RASGRP3: variants seen among roughly 807,000 people sequenced by gnomAD.
RASGRP3 encodes RAS guanyl releasing protein 3.
Under a neutral mutation model 82.7 loss-of-function variants are expected in RASGRP3, and 54 were observed. The ratio of observed to expected loss-of-function variants is 0.65; its 90% CI spans 0.52 to 0.82. The LOEUF is 0.82. RASGRP3 is among the 40% of genes least tolerant of loss of function. The probability of loss-of-function intolerance (pLI) is 0.00; values close to 1 mark genes in which losing one functional copy is unlikely to be tolerated. For missense variants in RASGRP3, 861 were observed against 828.9 expected (o/e 1.04, Z -0.48); for synonymous variants, 309 against 300.5 (o/e 1.03, Z -0.29).
chr2:33,543,463 C>T (rs368413603), intron 12 of RASGRP3, 49 bp from the exon 13 acceptor site: 2 of 1,221,780 alleles, frequency 1.6e-6, no homozygotes, highest in Admixed American at 4.4e-5. Context: ...ATAACAAGTT[C>T]AGAGCCTGCC....
At chr2:33,555,836 T>G (rs1197826255) in intron 15 of RASGRP3, among the ~76,000 whole-genome samples, 1 of 152,206 alleles carries the variant, frequency 6.6e-6, no homozygotes, top group African/African-American at 2.4e-5. Context: ...AGGTGGGAAT[T>G]CTGAGTGGGA....
chr2:33,483,504 T>C (rs914326610), intron 1 of RASGRP3, among the ~76,000 whole-genome samples: 3 of 143,474 alleles, frequency 2.1e-5, no homozygotes, highest in Non-Finnish European at 4.6e-5. Context: ...TTTTTTTTTT[T>C]TTGAGACGGA....
chr2:33,436,598 G>A (rs888092135), intron 1 of RASGRP3: 4 of 152,178 alleles, frequency 2.6e-5, no homozygotes, highest in Admixed American at 2.0e-4. Flanking sequence ...AAAGGTAAGT[G>A]TCATTTAAAA....
At chr2:33,545,600 G>C (rs1453421857) in intron 13 of RASGRP3, among the ~76,000 whole-genome samples, 2 of 152,114 alleles carry the variant, frequency 1.3e-5, no homozygotes, top group Non-Finnish European at 2.9e-5. Context: ...ATATAATAAA[G>C]ATTGTTTTTG....
intron 2 of RASGRP3, among the ~76,000 whole-genome samples, chr2:33,456,967 A>C (rs1455877670): frequency 7.2e-6 from 1 of 139,496 alleles, no homozygotes; most frequent in Non-Finnish European, 1.5e-5. Context: ...GCAGTGGCCT[A>C]TCTTAGCTCA....
At chr2:33,437,761 A>T (rs935091195) in intron 1 of RASGRP3, among the ~76,000 whole-genome samples, 1 of 152,216 alleles carries the variant, frequency 6.6e-6, no homozygotes, top group African/African-American at 2.4e-5. Flanking sequence ...AATTCCATGG[A>T]AACTGTTAGA....
At chr2:33,540,439 T>C (rs61361050) in intron 12 of RASGRP3, among the ~76,000 whole-genome samples, 7,864 of 146,070 alleles carry the variant, frequency 0.054, 897 homozygotes, top group African/African-American at 0.18. Flanking sequence ...CTCAGGAATG[T>C]CTGAAGCCAG....
chr2:33,558,582 C>A, intron 16 of RASGRP3, 90 bp from the exon 17 acceptor site: 1 of 1,229,766 alleles, frequency 8.1e-7, no homozygotes, highest in Middle Eastern at 2.8e-4. Flanking sequence ...TAGAATGTTG[C>A]ATGCCAGACT....
At chr2:33,486,348 A>G (rs1336004509) in intron 1 of RASGRP3, among the ~76,000 whole-genome samples, 1 of 151,890 alleles carries the variant, frequency 6.6e-6, no homozygotes, top group Non-Finnish European at 1.5e-5. Context: ...ATTTTGTTTT[A>G]GTAGAGATGG....
At chr2:33,538,212 T>C (rs115713789) in intron 11 of RASGRP3, among the ~76,000 whole-genome samples, 2,571 of 152,214 alleles carry the variant, frequency 0.017, 71 homozygotes, top group African/African-American at 0.059. Context: ...TTTAAAATAA[T>C]GGAATTTAGT....
rs1671938596 is a variant in RASGRP3 at position 33,520,645 on chromosome 2, G to A, written c.329G>A (p.Gly110Glu). Reference sequence around the variant, plus strand: ...TTTCGGGAAGTAGCTAGTCAACTAGGATATGAAAAACACGTCAGCCTCATC... The same window carrying A: ...TTTCGGGAAGTAGCTAGTCAACTAGAATATGAAAAACACGTCAGCCTCATC... ...EEFREVASQL[G>E]YEKHVSLIDI... The change falls in exon 6 of 18, where the codon GGA (glycine) becomes GAA (glutamate). Residue 110 changes from glycine (G) to glutamate (E), a missense_variant. Coordinates refer to ENST00000403687, the MANE Select transcript of RASGRP3 (RefSeq NM_001139488.2). The A allele has an allele frequency of 2.5e-6, 4 of 1,613,844 alleles. No individual in the cohort carries two copies. In the South Asian group the frequency reaches 4.4e-5, roughly 18 times the overall value.
chr2:33,528,650 A>G (rs1405008323), intron 10 of RASGRP3, among the ~76,000 whole-genome samples: 3 of 152,176 alleles, frequency 2.0e-5, no homozygotes, highest in African/African-American at 7.2e-5. Flanking sequence ...TTGGAATAGG[A>G]GTGTGGTTTC....
At chr2:33,504,323 G>A (rs1670153423) in intron 1 of RASGRP3, among the ~76,000 whole-genome samples, 1 of 151,854 alleles carries the variant, frequency 6.6e-6, no homozygotes, top group African/African-American at 2.4e-5. Context: ...AATGCCCTGG[G>A]CATCTGTCTC....
chr2:33,477,838 G>A (rs76382532), intron 1 of RASGRP3, among the ~76,000 whole-genome samples: 2,994 of 152,280 alleles, frequency 0.02, 110 homozygotes, highest in African/African-American at 0.068. Context: ...TGGAGATCGC[G>A]TGGATCTTGA....
chr2:33,470,085 T>G (rs1666965049), intron 2 of RASGRP3, among the ~76,000 whole-genome samples: 1 of 152,154 alleles, frequency 6.6e-6, no homozygotes, highest in African/African-American at 2.4e-5. Context: ...AAAATTTTCT[T>G]TACCATTCTC....
intron 1 of RASGRP3, among the ~76,000 whole-genome samples, chr2:33,477,600 A>T (rs139303483): frequency 6.6e-6 from 1 of 152,214 alleles, no homozygotes; most frequent in Non-Finnish European, 1.5e-5. Flanking sequence ...ATTCAGCAGT[A>T]ATGGTGCTTG....
chr2:33,447,432 G>A (rs1200793891), intron 1 of RASGRP3, among the ~76,000 whole-genome samples: 2 of 140,530 alleles, frequency 1.4e-5, no homozygotes, highest in Non-Finnish European at 3.2e-5. Flanking sequence ...CAACCTTGGA[G>A]TGTGCACATT....
intron 3 of RASGRP3, among the ~76,000 whole-genome samples, chr2:33,515,944 TA>T (rs1671423937): frequency 1.3e-5 from 2 of 152,358 alleles, no homozygotes; most frequent in African/African-American, 4.8e-5. Context: ...TAGTATGACC[TA>T]AATAATGCCT....
chr2:33,547,298 C>G (rs1363775561), intron 13 of RASGRP3, among the ~76,000 whole-genome samples: 1 of 137,420 alleles, frequency 7.3e-6, no homozygotes, highest in African/African-American at 2.7e-5. Flanking sequence ...CTGTTAGGTG[C>G]TAGGCTGTGC....
Sources: gnomAD v4.1 joint callset for allele counts (sites outside exome capture counted in the v4.1 genomes callset) on GRCh38, gnomAD v4.1.1 for gene constraint, MANE v1.5 for transcripts, NCBI Gene and HGNC (gene_info 2026-07-23, HGNC 2026-07-21) for gene names.